Variants in ASB3 observed in about 807,000 individuals in gnomAD.
The protein encoded by ASB3 is ankyrin repeat and SOCS box protein 3.
ASB3 carries 41 observed loss-of-function variants against 54.5 expected under a neutral mutation model. That is an observed-to-expected ratio of 0.75 (90% confidence interval 0.59 to 0.98). The LOEUF is 0.98. Among genes scored for constraint, ASB3 ranks in the 50% least tolerant of loss-of-function variants. The probability of loss-of-function intolerance (pLI) is 0.00; values close to 1 mark genes in which losing one functional copy is unlikely to be tolerated. For missense variants in ASB3, 733 were observed against 620.0 expected (o/e 1.18, Z -1.94); for synonymous variants, 266 against 221.2 (o/e 1.20, Z -1.80).
chr2:53,713,715 C>T (rs1235041123), intron 7 of ASB3, among the ~76,000 whole-genome samples: 1 of 152,098 alleles, frequency 6.6e-6, no homozygotes, highest in Non-Finnish European at 1.5e-5. Context: ...GAGTTCAAGA[C>T]CAGCCTGGGC....
chr2:53,714,105 G>C (rs1670257666), intron 7 of ASB3, among the ~76,000 whole-genome samples: 1 of 152,084 alleles, frequency 6.6e-6, no homozygotes, highest in Admixed American at 6.5e-5. Flanking sequence ...AAAAATATCA[G>C]CAAATTTCTG....
At chr2:53,672,905 T>G (rs1667891289) in intron 9 of ASB3, among the ~76,000 whole-genome samples, 1 of 152,248 alleles carries the variant, frequency 6.6e-6, no homozygotes. Flanking sequence ...CTACTTTGCC[T>G]TAACAGCAAC....
At chr2:53,706,937 T>G (rs1022563265) in intron 7 of ASB3, among the ~76,000 whole-genome samples, 20 of 152,208 alleles carry the variant, frequency 1.3e-4, no homozygotes, top group Admixed American at 3.9e-4. Context: ...CATATTGTCT[T>G]TAGGAACACT....
chr2:53,686,662 TA>T (rs10708806), intron 9 of ASB3, among the ~76,000 whole-genome samples: 46,045 of 151,324 alleles, frequency 0.3, 7,429 homozygotes, highest in East Asian at 0.63. Flanking sequence ...TTAGAACATG[TA>T]AAAAAAAACA....
At chr2:53,772,994 G>T (rs1056745615) in intron 1 of ASB3, among the ~76,000 whole-genome samples, 5 of 152,102 alleles carry the variant, frequency 3.3e-5, no homozygotes, top group Non-Finnish European at 5.9e-5. Flanking sequence ...TTGGGGTACA[G>T]ATTCAGAATT....
intron 1 of ASB3, among the ~76,000 whole-genome samples, chr2:53,784,870 A>T (rs1465192950): frequency 6.6e-6 from 1 of 152,204 alleles, no homozygotes; most frequent in Non-Finnish European, 1.5e-5. Context: ...AACACAATTC[A>T]ACCCACAACA....
At position 53,716,643 on chromosome 2, in the gene ASB3, C is replaced by T; in HGVS notation, c.705G>A (p.Gly235=). The change falls in exon 6 of 10, where the codon GGG becomes GGA. Residue 235 remains glycine (G), a synonymous_variant. Transcript: ENST00000263634. ...CATTACAGTAAAGATCAGGATCTGC[C>T]CCACTGGAGAGCAAAAGCTCCACAC... ...TKCVELLLSS[G]ADPDLYCNED... 6.2e-7 allele frequency: 1 copy of T among 1,614,050 alleles called. No individual in the cohort carries two copies. Among genetic ancestry groups the T allele is most frequent in the South Asian group, 1.1e-5 (1 of 91,072 alleles).
chr2:53,692,080 C>T (rs548321794), intron 9 of ASB3, among the ~76,000 whole-genome samples: 2 of 152,292 alleles, frequency 1.3e-5, no homozygotes, highest in South Asian at 2.1e-4. Context: ...CTGGCCTCTA[C>T]CCCTTAGATG....
At chr2:53,724,929 G>GTA (rs1670910267) in intron 5 of ASB3, among the ~76,000 whole-genome samples, 1 of 151,994 alleles carries the variant, frequency 6.6e-6, no homozygotes, top group Non-Finnish European at 1.5e-5. Context: ...CCATCACTGG[G>GTA]TATATATCCA....
intron 5 of ASB3, among the ~76,000 whole-genome samples, chr2:53,724,805 G>A (rs1232818570): frequency 2.6e-5 from 4 of 151,892 alleles, no homozygotes; most frequent in African/African-American, 9.7e-5. Flanking sequence ...AGAGGTTGCA[G>A]ACAAAGGGGA....
At chr2:53,731,999 C>A (rs1671345450) in intron 3 of ASB3, among the ~76,000 whole-genome samples, 1 of 151,152 alleles carries the variant, frequency 6.6e-6, no homozygotes, top group Non-Finnish European at 1.5e-5. Flanking sequence ...ACTCTGTCAC[C>A]CAGGCTGGAG....
chr2:53,767,779 G>A (rs1348989911), intron 1 of ASB3: 6 of 1,412,488 alleles, frequency 4.2e-6, no homozygotes, highest in African/African-American at 1.4e-5. Flanking sequence ...AGTGGCCATC[G>A]CGCCTGCGCC....
At chr2:53,766,769 G>GTTT (rs1673486603) in intron 1 of ASB3, among the ~76,000 whole-genome samples, 4 of 152,132 alleles carry the variant, frequency 2.6e-5, no homozygotes, top group African/African-American at 9.6e-5. Context: ...ACAACTTAGA[G>GTTT]AAAATAGGAA....
intron 1 of ASB3, among the ~76,000 whole-genome samples, chr2:53,777,709 A>ACTTAGTC (rs1674419840): frequency 1.3e-5 from 2 of 152,238 alleles, no homozygotes; most frequent in Non-Finnish European, 2.9e-5. Context: ...AGAAAAATAA[A>ACTTAGTC]CAGGTTTATG....
chr2:53,710,465 T>C (rs923257849), intron 7 of ASB3, among the ~76,000 whole-genome samples: 22 of 152,254 alleles, frequency 1.4e-4, no homozygotes, highest in Non-Finnish European at 1.5e-5. Flanking sequence ...TTCTAATATC[T>C]GGACCATCTC....
chr2:53,718,747 C>G (rs530421637), intron 5 of ASB3, among the ~76,000 whole-genome samples: 4 of 150,892 alleles, frequency 2.7e-5, no homozygotes, highest in African/African-American at 9.7e-5. Flanking sequence ...AAAAGGCACA[C>G]AGCTGCAATT....
chr2:53,733,684 C>G (rs558394309), intron 3 of ASB3, among the ~76,000 whole-genome samples: 1 of 152,032 alleles, frequency 6.6e-6, no homozygotes, highest in Non-Finnish European at 1.5e-5. Flanking sequence ...TCATATAATC[C>G]GCCCACCTTG....
intron 9 of ASB3, among the ~76,000 whole-genome samples, chr2:53,678,921 G>A (rs756556372): frequency 6.6e-6 from 1 of 152,082 alleles, no homozygotes; most frequent in African/African-American, 2.4e-5. Context: ...TCAGATCCAC[G>A]CTTCTGTCTT....
chr2:53,696,610 A>T (rs1383023588), intron 8 of ASB3, among the ~76,000 whole-genome samples: 1 of 152,170 alleles, frequency 6.6e-6, no homozygotes, highest in Non-Finnish European at 1.5e-5. Flanking sequence ...AGGTTAGGCA[A>T]GGGATTAAGG....
Sources: allele counts gnomAD v4.1 joint callset (sites outside exome capture counted in the v4.1 genomes callset), GRCh38; gene constraint gnomAD v4.1.1; transcripts MANE v1.5; gene names NCBI Gene and HGNC (gene_info 2026-07-23, HGNC 2026-07-21).